SKIC3: variants seen among roughly 807,000 people sequenced by gnomAD.
SKIC3 encodes the protein superkiller complex protein 3.
the SKIC3 span, among the ~76,000 whole-genome samples, chr5:95,553,794 G>A: frequency 1.3e-5 from 2 of 152,246 alleles, no homozygotes; most frequent in South Asian, 4.1e-4. Flanking sequence ...CCTAACCTTC[G>A]GTGATCCGCC....
At chr5:95,472,413 C>T in the SKIC3 span, among the ~76,000 whole-genome samples, 144 of 152,270 alleles carry the variant, frequency 9.5e-4, 1 homozygote, top group Non-Finnish European at 1.6e-3. Flanking sequence ...TGAGTGCCAC[C>T]GTCTCTGAAA....
At chr5:95,497,327 A>G in the SKIC3 span, 1 of 1,176,930 alleles carries the variant, frequency 8.5e-7, no homozygotes, top group Non-Finnish European at 1.2e-6. Context: ...ATTATCTTGC[A>G]GAAGAATAAT....
the SKIC3 span, among the ~76,000 whole-genome samples, chr5:95,545,791 C>T: frequency 6.6e-6 from 1 of 152,118 alleles, no homozygotes; most frequent in Admixed American, 6.6e-5. Flanking sequence ...TTCCCCTTTC[C>T]TTCAGTGAAA....
chr5:95,476,992 A>C, the SKIC3 span, among the ~76,000 whole-genome samples: 1 of 152,224 alleles, frequency 6.6e-6, no homozygotes, highest in South Asian at 2.1e-4. Flanking sequence ...ATTTCCCAGC[A>C]TCAACAAAAA....
At chr5:95,515,219 T>C in the SKIC3 span, among the ~76,000 whole-genome samples, 183 of 152,262 alleles carry the variant, frequency 1.2e-3, no homozygotes, top group African/African-American at 4.3e-3. Context: ...ATCCATTAGA[T>C]AGCCATAGGT....
At chr5:95,551,078 A>G in the SKIC3 span, among the ~76,000 whole-genome samples, 1 of 152,194 alleles carries the variant, frequency 6.6e-6, no homozygotes, top group African/African-American at 2.4e-5. Context: ...ATATTAGAAT[A>G]GAACTTTTCT....
chr5:95,543,592 T>C, the SKIC3 span, among the ~76,000 whole-genome samples: 1 of 152,182 alleles, frequency 6.6e-6, no homozygotes, highest in Non-Finnish European at 1.5e-5. Context: ...TGCCTCCCCA[T>C]GCTCTTTGAG....
At chr5:95,543,941 T>C in the SKIC3 span, among the ~76,000 whole-genome samples, 1 of 152,216 alleles carries the variant, frequency 6.6e-6, no homozygotes, top group Admixed American at 6.5e-5. Flanking sequence ...TAAAACAGCT[T>C]GAAGCAGTTA....
chr5:95,536,762 T>C, the SKIC3 span: 2 of 1,383,662 alleles, frequency 1.4e-6, no homozygotes, highest in South Asian at 2.3e-5. Context: ...ATTAATAACA[T>C]CACTCACATA....
the SKIC3 span, among the ~76,000 whole-genome samples, chr5:95,511,361 C>A: frequency 6.6e-6 from 1 of 152,148 alleles, no homozygotes; most frequent in South Asian, 2.1e-4. Context: ...TGCAGTGAGC[C>A]GAGATTGCGC....
At chr5:95,495,093 C>T in the SKIC3 span, 29 of 1,415,774 alleles carry the variant, frequency 2.0e-5, no homozygotes, top group South Asian at 1.8e-4. Context: ...ATTGATAAGA[C>T]CTTTCCACTA....
chr5:95,523,617 T>TA, the SKIC3 span: 33 of 1,601,110 alleles, frequency 2.1e-5, no homozygotes, highest in South Asian at 5.6e-5. Context: ...ATACTCAGGA[T>TA]AAAAAAAACA....
chr5:95,524,643 C>T, the SKIC3 span: 1 of 1,607,636 alleles, frequency 6.2e-7, no homozygotes, highest in Non-Finnish European at 8.5e-7. Flanking sequence ...TACACACACA[C>T]CCACACGCAA....
At chr5:95,526,622 T>C in the SKIC3 span, among the ~76,000 whole-genome samples, 1 of 152,018 alleles carries the variant, frequency 6.6e-6, no homozygotes, top group African/African-American at 2.4e-5. Context: ...TACAGGTGCA[T>C]ACCACCAAGC....
At chr5:95,527,981 T>C in the SKIC3 span, 6 of 1,612,508 alleles carry the variant, frequency 3.7e-6, no homozygotes, top group Non-Finnish European at 5.1e-6. Context: ...GGAAACTAAC[T>C]AGAGTTGAAG....
the SKIC3 span, among the ~76,000 whole-genome samples, chr5:95,533,706 A>G: frequency 3.9e-5 from 6 of 152,162 alleles, no homozygotes; most frequent in African/African-American, 1.4e-4. Context: ...TTACTCAAAA[A>G]TGATTTTTTT....
At chr5:95,538,500 T>G in the SKIC3 span, among the ~76,000 whole-genome samples, 1 of 152,074 alleles carries the variant, frequency 6.6e-6, no homozygotes, top group Admixed American at 6.5e-5. Flanking sequence ...AATGAACAAA[T>G]GAACACAAAG....
At chr5:95,490,888 A>T in the SKIC3 span, 1 of 1,613,750 alleles carries the variant, frequency 6.2e-7, no homozygotes, top group Non-Finnish European at 8.5e-7. Flanking sequence ...TCATGTATAA[A>T]GATGCTTTTA....
the SKIC3 span, chr5:95,543,428 C>G: frequency 1.5e-6 from 2 of 1,343,774 alleles, no homozygotes; most frequent in East Asian, 4.6e-5. Flanking sequence ...CTATATCTAC[C>G]ACTTAACAGG....
Sources: allele counts gnomAD v4.1 joint callset (sites outside exome capture counted in the v4.1 genomes callset), GRCh38; gene constraint gnomAD v4.1.1; transcripts MANE v1.5; gene names NCBI Gene and HGNC (gene_info 2026-07-23, HGNC 2026-07-21).